The following PRKDC variants were observed in gnomAD, a reference collection of about 807,000 sequenced individuals.
The protein encoded by PRKDC is DNA-dependent protein kinase catalytic subunit.
In PRKDC, 82 loss-of-function variants were observed where a neutral mutation model predicts 486.9. The ratio of observed to expected loss-of-function variants is 0.17; its 90% CI spans 0.14 to 0.20. The LOEUF is 0.20. PRKDC is among the 10% of genes least tolerant of loss of function. PRKDC has a pLI of 1.00. For synonymous variants in PRKDC, 1,895 were observed against 1,837.0 expected (o/e 1.03, Z -0.81); for missense variants, 4,504 against 5,038.2 (o/e 0.89, Z 3.21).
At chr8:47,824,898 T>C (rs1177810993) in intron 63 of PRKDC, among the ~76,000 whole-genome samples, 12 of 152,218 alleles carry the variant, frequency 7.9e-5, no homozygotes, top group Admixed American at 7.9e-4. Flanking sequence ...TTAGTTCTCC[T>C]GCTGTTCAGT....
At chr8:47,806,022 C>T (rs1247131677) in intron 69 of PRKDC, among the ~76,000 whole-genome samples, 2 of 152,178 alleles carry the variant, frequency 1.3e-5, no homozygotes, top group Non-Finnish European at 2.9e-5. Context: ...TGCAGTCTCC[C>T]GCCCTCTGCA....
In PRKDC at chr8:47,898,479, C is replaced by T. The variant is rs751701895; in HGVS notation, c.3455G>A (p.Arg1152His). The change falls in exon 29 of 86, where the codon CGT becomes CAT. Residue 1152 changes from arginine to histidine, a missense_variant. This residue lies in a region of PRKDC where 1,969 missense variants were observed against 2,068.9 expected (regional missense o/e 0.95). Coordinates refer to ENST00000314191, the MANE Select transcript of PRKDC (RefSeq NM_006904.7). ...AAGCAAGATCACCTACCGCGGCAAACGTCGTTTCTTTGCTTTATTTAAAGA... is the reference window on the plus strand; with the variant it reads ...AAGCAAGATCACCTACCGCGGCAAATGTCGTTTCTTTGCTTTATTTAAAGA... ...HVSLNKAKKR[R>H]LPRGFPPSAS... 7 of 1,554,284 alleles carry T rather than the reference C, an allele frequency of 4.5e-6. No individual in the cohort carries two copies. Among genetic ancestry groups the T allele is most frequent in the Non-Finnish European group, 4.4e-6 (5 of 1,145,114 alleles).
chr8:47,959,956 CTCGGGCCGGT>C lies in PRKDC; in HGVS notation c.154+7_154+16del, dbSNP rs2090785161. 1 of 1,533,898 alleles carries C rather than the reference CTCGGGCCGGT, an allele frequency of 6.5e-7. No homozygotes were observed. The highest frequency in any genetic ancestry group is 1.4e-5 in the African/African-American group (1 of 72,930). On this transcript the variant is annotated splice_region_variant and intron_variant, in intron 1 of 85. Transcript: ENST00000314191. Reference sequence around the variant, plus strand: ...AAGCCAGGACCCACCCGCGGCCCAGCTCGGGCCGGTACCCACCCAGCACCGCGGGGCTGCT... The same window carrying C: ...AAGCCAGGACCCACCCGCGGCCCAGCACCCACCCAGCACCGCGGGGCTGCT...
chr8:47,929,038 T>A lies in PRKDC; in HGVS notation c.2139+54A>T. 8 of 1,249,032 alleles carry A rather than the reference T, an allele frequency of 6.4e-6. No homozygotes were observed. The South Asian group carries it at 1.1e-4, about 17-fold the overall frequency. 77.4% of individuals were successfully genotyped at this position (1,249,032 alleles called of 1,614,324 possible). A position where few individuals can be genotyped will look rare whatever the true frequency, so the allele number is the denominator to read the frequency against. ...TGATCACTAGGATTTTTTCAATAGA[T>A]ATTCATTTAAAAACAGTTCATGATA... On this transcript the variant is annotated intron_variant, in intron 19 of 85. Transcript: ENST00000314191.
chr8:47,904,047 G>T (rs1372189792), intron 26 of PRKDC, among the ~76,000 whole-genome samples: 1 of 151,968 alleles, frequency 6.6e-6, no homozygotes, highest in Non-Finnish European at 1.5e-5. Flanking sequence ...ATTTGCACAG[G>T]TTCAAAATTT....
intron 1 of PRKDC, among the ~76,000 whole-genome samples, chr8:47,957,638 G>C (rs967095926): frequency 8.5e-5 from 13 of 152,062 alleles, no homozygotes; most frequent in African/African-American, 2.7e-4. Context: ...AGCCTCCCAA[G>C]TAGCTGGGAC....
chr8:47,941,658 G>A (rs2090447456), intron 10 of PRKDC, among the ~76,000 whole-genome samples: 1 of 152,102 alleles, frequency 6.6e-6, no homozygotes, highest in Non-Finnish European at 1.5e-5. Flanking sequence ...ATTTTTATCT[G>A]GGCCCTTTAG....
intron 67 of PRKDC, among the ~76,000 whole-genome samples, chr8:47,818,175 C>T (rs535087309): frequency 6.4e-4 from 98 of 152,200 alleles, no homozygotes; most frequent in African/African-American, 2.1e-3. Flanking sequence ...TGAGACAGTC[C>T]TGGGTTCAAA....
chr8:47,808,058 C>CTG (rs1176849958), intron 68 of PRKDC, among the ~76,000 whole-genome samples: 1 of 152,168 alleles, frequency 6.6e-6, no homozygotes, highest in Non-Finnish European at 1.5e-5. Flanking sequence ...GTAACATACC[C>CTG]TGTGTTGAGC....
chr8:47,921,758 T>C (rs1157981924), intron 21 of PRKDC, among the ~76,000 whole-genome samples: 1 of 152,194 alleles, frequency 6.6e-6, no homozygotes, highest in African/African-American at 2.4e-5. Context: ...ATTAGAAGAA[T>C]AGTACAGAAA....
At chr8:47,859,536 A>C in intron 46 of PRKDC, 75 bp downstream of exon 46, 1 of 1,500,598 alleles carries the variant, frequency 6.7e-7, no homozygotes, top group Non-Finnish European at 9.0e-7. Context: ...TCCTGTAGTA[A>C]CAGCAAGGCA....
chr8:47,929,126 G>A lies in PRKDC; in HGVS notation c.2105C>T (p.Ser702Phe). 2 of 1,577,270 alleles carry A rather than the reference G, an allele frequency of 1.3e-6. No individual in the cohort carries two copies. The highest frequency in any genetic ancestry group is 8.6e-7 in the Non-Finnish European group (1 of 1,159,590). Residue 702 changes from serine (S) to phenylalanine (F), a missense_variant, in exon 19 of 86, where the codon TCT (serine) becomes TTT (phenylalanine). Physicochemically the swap from Ser to Phe is radical, Grantham distance 155 (BLOSUM62 -2). This residue lies in a region of PRKDC where 1,969 missense variants were observed against 2,068.9 expected (regional missense o/e 0.95). Transcript: ENST00000314191. ...AAATTTCACAAATAAAGCAAAGCAA[G>A]AATACTTTTCTGGGTCTTCAGGAGA... is the stretch of plus-strand genomic sequence containing the variant. ...KHSPEDPEKY[S>F]CFALFVKFGK...
At chr8:47,929,735 G>A in intron 18 of PRKDC, 118 bp downstream of exon 18, 1 of 1,141,802 alleles carries the variant, frequency 8.8e-7, no homozygotes. Flanking sequence ...TAAACACATA[G>A]AATAAAATTA....
At chr8:47,837,165 G>T (rs1438778071) in intron 57 of PRKDC, 47 bp downstream of exon 57, 16 of 1,519,576 alleles carry the variant, frequency 1.1e-5, no homozygotes, top group Non-Finnish European at 1.4e-5. Context: ...TTCATGAACA[G>T]GAAAAGCCTA....
chr8:47,930,318 G>C (rs8178038), intron 17 of PRKDC, among the ~76,000 whole-genome samples: 1,641 of 152,154 alleles, frequency 0.011, 19 homozygotes, highest in Non-Finnish European at 0.014. Context: ...CGTTGCTCAG[G>C]CTGGAGTGCA....
At chr8:47,951,095 G>A (rs1393191458) in intron 7 of PRKDC, among the ~76,000 whole-genome samples, 2 of 152,056 alleles carry the variant, frequency 1.3e-5, no homozygotes, top group South Asian at 2.1e-4. Context: ...AGGGCCAGGT[G>A]CAGCGGCTCA....
chr8:47,789,115 A>G, intron 75 of PRKDC, 36 bp downstream of exon 75: 1 of 1,612,940 alleles, frequency 6.2e-7, no homozygotes, highest in Non-Finnish European at 8.5e-7. Flanking sequence ...TACCCAACTT[A>G]TATGTTTTAT....
intron 69 of PRKDC, 34 bp downstream of exon 69, chr8:47,807,103 T>C (rs751963185): frequency 6.3e-6 from 10 of 1,581,984 alleles, no homozygotes; most frequent in Non-Finnish European, 8.6e-6. Flanking sequence ...CAAAATCCTG[T>C]GACACAGCAG....
intron 1 of PRKDC, among the ~76,000 whole-genome samples, 173 bp downstream of exon 1, chr8:47,959,799 TA>T (rs2090781428): frequency 6.6e-6 from 1 of 151,880 alleles, no homozygotes; most frequent in South Asian, 2.1e-4. Context: ...TACTAGGGGG[TA>T]AAAAGCAGTA....
Sources: gnomAD v4.1 joint callset for allele counts (sites outside exome capture counted in the v4.1 genomes callset) on GRCh38, gnomAD v4.1.1 for gene constraint, gnomAD v4.1.1 regional missense constraint, MANE v1.5 for transcripts, NCBI Gene and HGNC (gene_info 2026-07-23, HGNC 2026-07-21) for gene names.